The following KLHL29 variants were observed in gnomAD, a reference collection of about 807,000 sequenced individuals.
KLHL29 encodes the protein kelch like family member 29.
A neutral mutation model predicts 80.4 loss-of-function variants in KLHL29; 21 were observed. The observed-to-expected ratio is 0.26, with a 90% CI of 0.19 to 0.38. The LOEUF is 0.38. Ranked by LOEUF, KLHL29 falls within the 10% of genes least tolerant of loss-of-function variation. KLHL29 has a pLI of 1.00. For synonymous variants in KLHL29, 511 were observed against 526.8 expected (o/e 0.97, Z 0.41); for missense variants, 867 against 1,223.9 (o/e 0.71, Z 4.35).
intron 1 of KLHL29, among the ~76,000 whole-genome samples, chr2:23,475,197 G>C (rs1283005515): frequency 6.6e-6 from 1 of 152,004 alleles, no homozygotes; most frequent in African/African-American, 2.4e-5. Context: ...GGATTAGATG[G>C]AAGACAATAC....
In KLHL29 at chr2:23,562,977, G is replaced by A. The variant is rs968731064; in HGVS notation, c.285+496G>A. Among the ~76,000 whole-genome samples the A allele has an allele frequency of 3.9e-5, 6 of 152,184 alleles. No homozygotes were observed. Among genetic ancestry groups the A allele is most frequent in the Non-Finnish European group, 7.3e-5 (5 of 68,030 alleles). On this transcript the variant is annotated intron_variant, in intron 3 of 13. Coordinates refer to ENST00000486442, the MANE Select transcript of KLHL29 (RefSeq NM_052920.2). The surrounding 1 kb of genome is among the most constrained non-coding windows in gnomAD (Gnocchi z 4.5). ...TCTCTTCTGAGCCTTGCCACAGCAC[G>A]GTGAGGTCAGTACTTTTATCATCCC...
At chr2:23,433,426 G>A (rs992415634) in intron 1 of KLHL29, among the ~76,000 whole-genome samples, 1 of 152,154 alleles carries the variant, frequency 6.6e-6, no homozygotes, top group Non-Finnish European at 1.5e-5. Flanking sequence ...GGGGGAGGAG[G>A]GGCAGGGAGT....
At chr2:23,550,937 G>A (rs1445724884) in intron 2 of KLHL29, among the ~76,000 whole-genome samples, 1 of 152,242 alleles carries the variant, frequency 6.6e-6, no homozygotes, top group Admixed American at 6.5e-5. Flanking sequence ...CTTGGAGAAG[G>A]AAAGTTACAG....
chr2:23,650,924 G>A (rs1670072454), intron 5 of KLHL29, among the ~76,000 whole-genome samples: 1 of 147,384 alleles, frequency 6.8e-6, no homozygotes, highest in African/African-American at 2.7e-5. Context: ...GTGATGGAGA[G>A]GGAAGGACAT....
At chr2:23,444,223 TAATA>T (rs982792196) in intron 1 of KLHL29, among the ~76,000 whole-genome samples, 1 of 152,230 alleles carries the variant, frequency 6.6e-6, no homozygotes, top group African/African-American at 2.4e-5. Flanking sequence ...GAAACATAGT[TAATA>T]AATTATGCGT....
At chr2:23,660,088 A>C (rs982504587) in intron 5 of KLHL29, among the ~76,000 whole-genome samples, 1 of 151,340 alleles carries the variant, frequency 6.6e-6, no homozygotes, top group Non-Finnish European at 1.5e-5. Flanking sequence ...CTGGACCCCC[A>C]CACCATGTGG....
intron 1 of KLHL29, among the ~76,000 whole-genome samples, chr2:23,388,403 C>G (rs1028732964): frequency 1.3e-5 from 2 of 152,092 alleles, no homozygotes; most frequent in Admixed American, 6.5e-5. Flanking sequence ...AAACTATTAC[C>G]AAAGGAACCT....
At chr2:23,415,552 T>C (rs1018810728) in intron 1 of KLHL29, among the ~76,000 whole-genome samples, 1 of 152,214 alleles carries the variant, frequency 6.6e-6, no homozygotes, top group Non-Finnish European at 1.5e-5. Flanking sequence ...GACTAGGACT[T>C]TAGTGCCAGA....
intron 4 of KLHL29, among the ~76,000 whole-genome samples, chr2:23,641,258 C>G (rs1425206481): frequency 6.6e-6 from 1 of 152,204 alleles, no homozygotes; most frequent in Non-Finnish European, 1.5e-5. Flanking sequence ...TATCTGGACC[C>G]CACCTCATTC....
chr2:23,636,199 A>G (rs1433756165), intron 3 of KLHL29, among the ~76,000 whole-genome samples: 1 of 152,216 alleles, frequency 6.6e-6, no homozygotes, highest in Non-Finnish European at 1.5e-5. Flanking sequence ...GTGGCTCTGC[A>G]CGTCACCCAC....
intron 5 of KLHL29, chr2:23,643,320 A>G: frequency 3.3e-6 from 1 of 304,228 alleles, no homozygotes; most frequent in Non-Finnish European, 6.5e-6. Context: ...CTGTCGTGCC[A>G]TCGGATGAGA....
At chr2:23,580,611 G>C (rs113261820) in intron 3 of KLHL29, among the ~76,000 whole-genome samples, 35 of 41,040 alleles carry the variant, frequency 8.5e-4, no homozygotes, top group South Asian at 3.1e-3. Flanking sequence ...GGAGGAGGAG[G>C]TTGCAGTGAG....
chr2:23,441,574 G>A (rs1663525457), intron 1 of KLHL29, among the ~76,000 whole-genome samples: 1 of 152,124 alleles, frequency 6.6e-6, no homozygotes, highest in African/African-American at 2.4e-5. Flanking sequence ...GAATTCTGCA[G>A]TTTGGGCAGG....
chr2:23,385,360 C>T lies in KLHL29; in HGVS notation c.-574C>T, dbSNP rs933331528. 12 of 146,894 alleles carry T rather than the reference C, an allele frequency of 8.2e-5. No homozygotes were observed. Among genetic ancestry groups the T allele is most frequent in the African/African-American group, 2.7e-4 (11 of 40,690 alleles). 9.1% of individuals were successfully genotyped at this position (146,894 alleles called of 1,614,324 possible). On this transcript the variant is annotated 5_prime_UTR_variant, in exon 1 of 14. Coordinates refer to ENST00000486442, the MANE Select transcript of KLHL29 (RefSeq NM_052920.2). ...GGTCGCCGCGCTTGAGCGCAGCCCC[C>T]GCCCGGAGCCCGAGCCGCGAGCCCG... is the stretch of plus-strand genomic sequence containing the variant.
chr2:23,657,139 G>A (rs1004813220), intron 5 of KLHL29, among the ~76,000 whole-genome samples: 6 of 152,086 alleles, frequency 3.9e-5, no homozygotes, highest in Non-Finnish European at 7.4e-5. Context: ...GCTTGTCTCT[G>A]ACAAGGCACC....
chr2:23,435,918 T>A (rs545912288), intron 1 of KLHL29, among the ~76,000 whole-genome samples: 5,446 of 149,960 alleles, frequency 0.036, 125 homozygotes, highest in African/African-American at 0.062. Flanking sequence ...TTTTTTTTTT[T>A]AAAAAGGAAA....
intron 1 of KLHL29, among the ~76,000 whole-genome samples, chr2:23,458,034 A>G (rs957968019): frequency 6.6e-6 from 1 of 152,112 alleles, no homozygotes; most frequent in Non-Finnish European, 1.5e-5. Context: ...ATTAAAAAAA[A>G]ATAAAACGTA....
At chr2:23,533,163 G>A (rs1324992453) in intron 2 of KLHL29, among the ~76,000 whole-genome samples, 3 of 152,088 alleles carry the variant, frequency 2.0e-5, no homozygotes, top group Admixed American at 1.3e-4. Context: ...GTACACATAC[G>A]GCAGGCCTGG....
At chr2:23,671,052 A>G (rs1238948733) in intron 5 of KLHL29, among the ~76,000 whole-genome samples, 2 of 44,290 alleles carry the variant, frequency 4.5e-5, no homozygotes. Flanking sequence ...CCCAGCTGTG[A>G]CTCCTCCCTG....
Sources: allele counts gnomAD v4.1 joint callset (sites outside exome capture counted in the v4.1 genomes callset), GRCh38; gene constraint gnomAD v4.1.1; non-coding constraint Gnocchi (gnomAD v3.1); transcripts MANE v1.5; gene names NCBI Gene and HGNC (gene_info 2026-07-23, HGNC 2026-07-21).